The following FBXO25 variants were observed in gnomAD, a reference collection of about 807,000 sequenced individuals.
FBXO25 encodes the protein F-box protein 25.
A neutral mutation model predicts 51.9 loss-of-function variants in FBXO25; 45 were observed. The observed-to-expected ratio is 0.87, with a 90% CI of 0.68 to 1.11. The LOEUF (loss-of-function observed/expected upper bound fraction) is 1.11, where lower values mean the gene tolerates loss of function less well. Among genes scored for constraint, FBXO25 ranks in the 50% most tolerant of loss-of-function variants. The pLI is 0.00. For missense variants in FBXO25, 507 were observed against 428.5 expected (o/e 1.18, Z -1.62); for synonymous variants, 199 against 151.0 (o/e 1.32, Z -2.33).
intron 5 of FBXO25, among the ~76,000 whole-genome samples, chr8:440,491 G>A (rs1389297967): frequency 2.0e-5 from 3 of 152,148 alleles, no homozygotes; most frequent in Admixed American, 1.3e-4. Context: ...GCCGTGAAGA[G>A]CTTTTTCATT....
intron 9 of FBXO25, among the ~76,000 whole-genome samples, chr8:466,202 T>A (rs1800150476): frequency 6.6e-6 from 1 of 152,260 alleles, no homozygotes; most frequent in Non-Finnish European, 1.5e-5. Context: ...TGTCAGGTAC[T>A]TCTTGCCCTG....
At chr8:435,389 G>C in intron 4 of FBXO25, 2 of 546,374 alleles carry the variant, frequency 3.7e-6, no homozygotes, top group Non-Finnish European at 6.5e-6. Flanking sequence ...TACTTCAGCA[G>C]GTTGTAAAAA....
chr8:425,598 T>G (rs1039251721), intron 2 of FBXO25, among the ~76,000 whole-genome samples: 2 of 126,316 alleles, frequency 1.6e-5, no homozygotes, highest in Non-Finnish European at 1.8e-5. Context: ...GTTTAAATAA[T>G]TTATTTTTAT....
At chr8:466,178 T>A (rs1267651085) in intron 9 of FBXO25, among the ~76,000 whole-genome samples, 1 of 152,206 alleles carries the variant, frequency 6.6e-6, no homozygotes, top group African/African-American at 2.4e-5. Flanking sequence ...CTCTCCTAAT[T>A]TAACCCCTCA....
At chr8:436,901 G>C (rs1798137616) in intron 5 of FBXO25, among the ~76,000 whole-genome samples, 1 of 152,160 alleles carries the variant, frequency 6.6e-6, no homozygotes, top group Admixed American at 6.5e-5. Flanking sequence ...GAGCACAGGA[G>C]GAAGTCGTTG....
At chr8:437,063 AT>A (rs550594667) in intron 5 of FBXO25, among the ~76,000 whole-genome samples, 78 of 149,650 alleles carry the variant, frequency 5.2e-4, no homozygotes, top group African/African-American at 1.6e-3. Flanking sequence ...CGACTGCATA[AT>A]TTTTTTTTTG....
intron 2 of FBXO25, among the ~76,000 whole-genome samples, chr8:417,874 T>C (rs1336920257): frequency 1.3e-5 from 2 of 152,246 alleles, no homozygotes; most frequent in East Asian, 3.8e-4. Flanking sequence ...ATAGCATGGG[T>C]CATCTGTGAA....
At chr8:463,306 C>T (rs911512301) in intron 9 of FBXO25, among the ~76,000 whole-genome samples, 156 bp downstream of exon 9, 6 of 152,180 alleles carry the variant, frequency 3.9e-5, no homozygotes, top group Non-Finnish European at 7.3e-5. Flanking sequence ...GGTAGGGGAA[C>T]AGATGTTCAT....
At chr8:442,094 T>C (rs1798459851) in intron 5 of FBXO25, among the ~76,000 whole-genome samples, 1 of 152,168 alleles carries the variant, frequency 6.6e-6, no homozygotes, top group Non-Finnish European at 1.5e-5. Context: ...AGGCTTTTGT[T>C]TGCTCTGGTG....
chr8:418,147 A>G (rs1481688087), intron 2 of FBXO25, among the ~76,000 whole-genome samples: 2 of 152,004 alleles, frequency 1.3e-5, no homozygotes, highest in Non-Finnish European at 2.9e-5. Context: ...TGTAGGCTGC[A>G]TGTGTGTCTT....
In FBXO25 at chr8:471,777, C is replaced by G. The variant is rs10503147; in HGVS notation, c.*2973C>G. The G allele has an allele frequency of 6.6e-6, 1 of 152,104 alleles. No individual in the cohort carries two copies. Among genetic ancestry groups the G allele is most frequent in the Non-Finnish European group, 1.5e-5 (1 of 68,034 alleles). 9.4% of individuals were successfully genotyped at this position (152,104 alleles called of 1,614,324 possible). On this transcript the variant is annotated 3_prime_UTR_variant, in exon 10 of 10. Coordinates refer to ENST00000350302, the MANE Select transcript of FBXO25 (RefSeq NM_183420.2). ...ATGCAGTAGCCTCTCAGGAGCAGAC[C>G]GATTTGTAGCTGTCGTGGTTTACTG...
chr8:439,286 G>T (rs184125512), intron 5 of FBXO25, among the ~76,000 whole-genome samples: 3 of 152,318 alleles, frequency 2.0e-5, no homozygotes, highest in African/African-American at 7.2e-5. Flanking sequence ...AGCCAGGCAC[G>T]AACAGCCCGA....
rs985006765 is a variant in FBXO25, at chr8:474,970, G to T, written c.*6166G>T. The T allele has an allele frequency of 1.7e-5, 7 of 403,238 alleles. No individual in the cohort carries two copies. The highest frequency in any genetic ancestry group is 1.4e-4 in the Admixed American group (4 of 29,212). 25.0% of individuals were successfully genotyped at this position (403,238 alleles called of 1,614,324 possible). ...CTTTCACTCTGTTTTGTTCTTTGAT[G>T]TACAGAAGTTGTTTCTTTCTTTTAG... On this transcript the variant is annotated 3_prime_UTR_variant, in exon 10 of 10. Transcript: ENST00000350302.
intron 2 of FBXO25, among the ~76,000 whole-genome samples, chr8:426,881 G>A (rs1386229957): frequency 3.4e-5 from 5 of 147,906 alleles, no homozygotes; most frequent in Middle Eastern, 3.5e-3. Context: ...TTAAGAGTCC[G>A]TAAGTGTGTC....
At chr8:441,464 C>G (rs1200221962) in intron 5 of FBXO25, among the ~76,000 whole-genome samples, 9 of 152,202 alleles carry the variant, frequency 5.9e-5, no homozygotes, top group Admixed American at 2.0e-4. Flanking sequence ...TGGGCAAAGA[C>G]TTGATGTCTA....
intron 7 of FBXO25, among the ~76,000 whole-genome samples, chr8:452,722 G>A (rs918368590): frequency 6.6e-6 from 1 of 152,212 alleles, no homozygotes; most frequent in African/African-American, 2.4e-5. Context: ...GGTAGGATTA[G>A]TGGCTCTGCA....
chr8:466,743 A>C (rs537239600), intron 9 of FBXO25, among the ~76,000 whole-genome samples: 1 of 151,944 alleles, frequency 6.6e-6, no homozygotes, highest in Admixed American at 6.6e-5. Context: ...TGGCTCTACT[A>C]TATTGGAGTT....
rs1009342703 is a variant in FBXO25, at chr8:476,421, G to A, written c.*7617G>A. 2.0e-5 allele frequency: 3 copies of A among 152,070 alleles called. No homozygotes were observed. The highest frequency in any genetic ancestry group is 7.2e-5 in the African/African-American group (3 of 41,400). The allele number at this position is 152,070 out of a possible 1,614,324, so 9.4% of individuals were successfully genotyped here. ...AGTGTCCTTTCCTCTTCAGTTTTTTGGAAGAGTTTGAGGAGAATTGATTTA... is the reference window on the plus strand; with the variant it reads ...AGTGTCCTTTCCTCTTCAGTTTTTTAGAAGAGTTTGAGGAGAATTGATTTA... On this transcript the variant is annotated 3_prime_UTR_variant, in exon 10 of 10. Transcript: ENST00000350302.
intron 3 of FBXO25, among the ~76,000 whole-genome samples, chr8:432,125 C>T (rs1272571520): frequency 6.6e-6 from 1 of 152,104 alleles, no homozygotes; most frequent in Non-Finnish European, 1.5e-5. Flanking sequence ...ACTGCTCTTG[C>T]ACTTTGGGGC....
Sources: allele counts gnomAD v4.1 joint callset (sites outside exome capture counted in the v4.1 genomes callset), GRCh38; gene constraint gnomAD v4.1.1; transcripts MANE v1.5; gene names NCBI Gene and HGNC (gene_info 2026-07-23, HGNC 2026-07-21).